ZFHX3: variants seen among roughly 807,000 people sequenced by gnomAD.
ZFHX3 encodes the protein zinc finger homeobox protein 3.
In ZFHX3, 42 loss-of-function variants were observed where a neutral mutation model predicts 279.1. The ratio of observed to expected loss-of-function variants is 0.15; its 90% CI spans 0.12 to 0.19. ZFHX3 has a LOEUF of 0.19. Among genes scored for constraint, ZFHX3 ranks in the 10% least tolerant of loss-of-function variants. The pLI, the probability that ZFHX3 is intolerant of heterozygous loss-of-function variation, is 1.00. For missense variants in ZFHX3, 4,981 were observed against 4,754.0 expected (o/e 1.05, Z -1.40); for synonymous variants, 2,293 against 1,957.8 (o/e 1.17, Z -4.52).
chr16:73,187,717 C>A (rs546046331), intron 5 of ZFHX3, among the ~76,000 whole-genome samples: 1 of 152,312 alleles, frequency 6.6e-6, no homozygotes, highest in South Asian at 2.1e-4. Flanking sequence ...TTTGGGTGAT[C>A]CTGGCTTTGT....
intron 2 of ZFHX3, among the ~76,000 whole-genome samples, chr16:73,636,302 AATAAT>A (rs1307481360): frequency 6.6e-6 from 1 of 152,212 alleles, no homozygotes; most frequent in African/African-American, 2.4e-5. Flanking sequence ...GAAACTGACA[AATAAT>A]ATAACTGTAA....
At chr16:73,113,963 T>A (rs1250492133) in intron 7 of ZFHX3, among the ~76,000 whole-genome samples, 2 of 151,776 alleles carry the variant, frequency 1.3e-5, no homozygotes, top group African/African-American at 4.8e-5. Context: ...GCCCAGCTAA[T>A]TTTTTTGTAT....
intron 2 of ZFHX3, among the ~76,000 whole-genome samples, chr16:73,667,203 A>G (rs1363728025): frequency 4.0e-5 from 6 of 151,882 alleles, no homozygotes; most frequent in Non-Finnish European, 2.9e-5. Context: ...TGTTGCCCAG[A>G]CTGGTCTCGA....
At chr16:73,830,849 C>T (rs1960977548) in intron 1 of ZFHX3, among the ~76,000 whole-genome samples, 1 of 152,120 alleles carries the variant, frequency 6.6e-6, no homozygotes, top group African/African-American at 2.4e-5. Context: ...ATTCAATATG[C>T]AAATGAACAG....
intron 4 of ZFHX3, among the ~76,000 whole-genome samples, chr16:73,295,547 C>T (rs752552136): frequency 7.9e-5 from 12 of 152,246 alleles, no homozygotes; most frequent in East Asian, 3.8e-4. Flanking sequence ...CTCTTGCATG[C>T]GCAATCTGCA....
chr16:73,487,953 G>C (rs2019002305), intron 2 of ZFHX3, among the ~76,000 whole-genome samples: 1 of 152,150 alleles, frequency 6.6e-6, no homozygotes, highest in African/African-American at 2.4e-5. Flanking sequence ...ACTCACCTGA[G>C]GTCCCAGACA....
At chr16:73,248,276 T>C (rs1276327823) in intron 5 of ZFHX3, among the ~76,000 whole-genome samples, 1 of 151,940 alleles carries the variant, frequency 6.6e-6, no homozygotes, top group East Asian at 1.9e-4. Flanking sequence ...AATGTTTGCA[T>C]ATGTGTGTGT....
intron 8 of ZFHX3, among the ~76,000 whole-genome samples, chr16:72,799,450 C>T (rs370306248): frequency 1.3e-5 from 2 of 152,318 alleles, no homozygotes; most frequent in African/African-American, 4.8e-5. Context: ...TGTGGCCAAA[C>T]TCTTCCCAAC....
chr16:73,489,465 G>C (rs926797149), intron 2 of ZFHX3, among the ~76,000 whole-genome samples: 1 of 152,258 alleles, frequency 6.6e-6, no homozygotes, highest in African/African-American at 2.4e-5. Flanking sequence ...ATAATTCATA[G>C]AAGCACTAAG....
exon 8 of ZFHX3, chr16:73,093,598 C>T (rs768620777): frequency 2.0e-6 from 1 of 511,064 alleles, no homozygotes; most frequent in East Asian, 5.5e-5. Context: ...CCGGTCGTCT[C>T]CTGCAAACAG....
At chr16:72,955,920 T>C (rs992257058) in intron 2 of ZFHX3, among the ~76,000 whole-genome samples, 8 of 152,206 alleles carry the variant, frequency 5.3e-5, no homozygotes, top group African/African-American at 1.9e-4. Context: ...TAATTCCTAC[T>C]GGCTTAAAGA....
chr16:72,790,547 A>T (rs1163009009), intron 9 of ZFHX3: 1 of 152,208 alleles, frequency 6.6e-6, no homozygotes, highest in African/African-American at 2.4e-5. Flanking sequence ...ATTTCAGACG[A>T]AAAGAACAAG....
chr16:73,104,387 C>T (rs543207144), intron 7 of ZFHX3, among the ~76,000 whole-genome samples: 7 of 152,180 alleles, frequency 4.6e-5, no homozygotes, highest in South Asian at 2.1e-4. Context: ...CGCACCACCA[C>T]GTCCAGCTAA....
At position 73,661,708 on chromosome 16, in the gene ZFHX3, C is replaced by G. The variant is rs575085122; in HGVS notation, c.-1547+18472G>C. Among the ~76,000 whole-genome samples the G allele has an allele frequency of 8.5e-3, 915 of 107,698 alleles. 9 individuals carry two copies. Among genetic ancestry groups the G allele is most frequent in the Non-Finnish European group, 0.013 (728 of 55,672 alleles). The allele number at this position is 107,698 out of a possible 152,430, so 70.7% of individuals were successfully genotyped here. A position where few individuals can be genotyped will look rare whatever the true frequency, so the allele number is the denominator to read the frequency against. Reference sequence around the variant, plus strand: ...CTGCACTCCAGCCTGGACAACAAAGCAAGACTCCATCTCAGAAAAAAAAAA... The same window carrying G: ...CTGCACTCCAGCCTGGACAACAAAGGAAGACTCCATCTCAGAAAAAAAAAA... On this transcript the variant is annotated intron_variant, in intron 2 of 17. Transcript: ENST00000641206.
At chr16:73,506,933 C>T (rs1474301048) in intron 2 of ZFHX3, among the ~76,000 whole-genome samples, 3 of 152,106 alleles carry the variant, frequency 2.0e-5, no homozygotes, top group Non-Finnish European at 2.9e-5. Context: ...CTAAATGGTG[C>T]GGCGTGTAAT....
intron 3 of ZFHX3, among the ~76,000 whole-genome samples, chr16:73,325,902 A>AACACAC (rs112302302): frequency 3.3e-4 from 30 of 91,228 alleles, no homozygotes; most frequent in Non-Finnish European, 6.9e-4. Flanking sequence ...CACACACACA[A>AACACAC]ACACACACAC....
At chr16:73,765,870 G>T (rs2053931033) in intron 1 of ZFHX3, among the ~76,000 whole-genome samples, 1 of 152,186 alleles carries the variant, frequency 6.6e-6, no homozygotes, top group Non-Finnish European at 1.5e-5. Context: ...TCAACCCTTG[G>T]CCACACCACT....
chr16:73,555,250 G>A (rs984942678), intron 2 of ZFHX3, among the ~76,000 whole-genome samples: 47 of 152,072 alleles, frequency 3.1e-4, no homozygotes, highest in African/African-American at 9.9e-4. Flanking sequence ...TGCCTCCCGG[G>A]TTCAAGCGAT....
At chr16:73,043,970 C>A (rs902504652) in intron 1 of ZFHX3, among the ~76,000 whole-genome samples, 2 of 152,156 alleles carry the variant, frequency 1.3e-5, no homozygotes, top group African/African-American at 4.8e-5. Flanking sequence ...GTCTCTCCCT[C>A]GGGGCGGTTT....
Sources: gnomAD v4.1 joint callset for allele counts (sites outside exome capture counted in the v4.1 genomes callset) on GRCh38, gnomAD v4.1.1 for gene constraint, MANE v1.5 for transcripts, NCBI Gene and HGNC (gene_info 2026-07-23, HGNC 2026-07-21) for gene names.